Variants in DPP10 observed in about 807,000 individuals in gnomAD.
The protein encoded by DPP10 is dipeptidyl peptidase like 10.
DPP10 carries 33 observed loss-of-function variants against 120.9 expected under a neutral mutation model. That is an observed-to-expected ratio of 0.27 (90% CI 0.21 to 0.37). The LOEUF is 0.37. Ranked by LOEUF, DPP10 falls within the 10% of genes least tolerant of loss-of-function variation. The pLI is 1.00. For synonymous variants in DPP10, 337 were observed against 326.1 expected (o/e 1.03, Z -0.36); for missense variants, 816 against 942.8 (o/e 0.87, Z 1.76).
At chr2:114,814,265 A>G (rs1203303351) in intron 1 of DPP10, among the ~76,000 whole-genome samples, 1 of 152,158 alleles carries the variant, frequency 6.6e-6, no homozygotes, top group South Asian at 2.1e-4. Flanking sequence ...GCTAGTTAAT[A>G]TAGTATTCTC....
At chr2:114,995,341 CT>C in intron 1 of DPP10, among the ~76,000 whole-genome samples, 1 of 152,288 alleles carries the variant, frequency 6.6e-6, no homozygotes, top group Admixed American at 6.5e-5. Flanking sequence ...GATTAAGTCT[CT>C]TTCCCCCATT....
chr2:115,685,078 C>G (rs1296728770), intron 5 of DPP10, among the ~76,000 whole-genome samples: 1 of 151,864 alleles, frequency 6.6e-6, no homozygotes, highest in Non-Finnish European at 1.5e-5. Flanking sequence ...CTTAAACTTT[C>G]AGTTTTAAAA....
chr2:115,554,556 G>A (rs541440504), intron 5 of DPP10, among the ~76,000 whole-genome samples: 3 of 152,086 alleles, frequency 2.0e-5, no homozygotes, highest in South Asian at 4.2e-4. Context: ...CCCAGTCTAT[G>A]CTGTGTTCAC....
At chr2:115,818,875 C>A (rs544284295) in intron 21 of DPP10, among the ~76,000 whole-genome samples, 1 of 151,822 alleles carries the variant, frequency 6.6e-6, no homozygotes, top group Non-Finnish European at 1.5e-5. Flanking sequence ...ACATAGGATA[C>A]AAACAAGTAA....
chr2:115,759,555 G>A (rs369939516), intron 11 of DPP10, among the ~76,000 whole-genome samples: 8 of 152,020 alleles, frequency 5.3e-5, no homozygotes, highest in East Asian at 1.9e-4. Flanking sequence ...AAAAATTCTC[G>A]TTCTTTGCAA....
intron 21 of DPP10, among the ~76,000 whole-genome samples, chr2:115,834,824 C>T (rs940531711): frequency 5.9e-5 from 9 of 152,068 alleles, no homozygotes; most frequent in Non-Finnish European, 1.2e-4. Context: ...CGGTGGCTCA[C>T]GCCTGTAATC....
At chr2:114,509,207 ACT>A (rs757250568) in intron 1 of DPP10, among the ~76,000 whole-genome samples, 13 of 152,008 alleles carry the variant, frequency 8.6e-5, no homozygotes, top group Admixed American at 3.9e-4. Flanking sequence ...GTTCCAGGGA[ACT>A]CTCTCTTTGG....
intron 3 of DPP10, among the ~76,000 whole-genome samples, chr2:115,361,488 A>T (rs774855222): frequency 6.6e-6 from 1 of 152,020 alleles, no homozygotes; most frequent in Admixed American, 6.6e-5. Context: ...CAGACCAGAC[A>T]TGCCCCTTTC....
At chr2:115,210,817 C>G (rs905361409) in intron 1 of DPP10, among the ~76,000 whole-genome samples, 2 of 151,994 alleles carry the variant, frequency 1.3e-5, no homozygotes, top group African/African-American at 2.4e-5. Context: ...TAAATGTCTT[C>G]TTTTGAGAAG....
At chr2:114,880,273 G>A (rs562599323) in intron 1 of DPP10, among the ~76,000 whole-genome samples, 1 of 152,268 alleles carries the variant, frequency 6.6e-6, no homozygotes, top group African/African-American at 2.4e-5. Flanking sequence ...TTTGGCCCAA[G>A]ACAAAGAATA....
intron 1 of DPP10, among the ~76,000 whole-genome samples, chr2:114,866,651 C>T (rs754106530): frequency 3.3e-5 from 5 of 152,146 alleles, no homozygotes; most frequent in Non-Finnish European, 7.3e-5. Flanking sequence ...CAAGGTCACA[C>T]AACTAATAAG....
intron 1 of DPP10, among the ~76,000 whole-genome samples, chr2:115,084,138 T>G (rs1417944874): frequency 2.0e-5 from 3 of 152,192 alleles, no homozygotes; most frequent in Non-Finnish European, 4.4e-5. Flanking sequence ...GCTCACAATT[T>G]TGAGGTTTTC....
At chr2:114,834,399 AT>A (rs1687448210) in intron 1 of DPP10, among the ~76,000 whole-genome samples, 26 of 151,352 alleles carry the variant, frequency 1.7e-4, no homozygotes, top group African/African-American at 5.8e-4. Context: ...CTATGTATAT[AT>A]AAGCCATATC....
rs116633655 is a variant in DPP10, at chr2:114,605,593, G to A, written c.60+162755G>A. ...CTTTCCAGTCAGGGATAGGCTACTC[G>A]TAGTTAAGTTTTTGGGGAGTCAAAA... On this transcript the variant is annotated intron_variant, in intron 1 of 25. Coordinates refer to ENST00000410059, the MANE Select transcript of DPP10 (RefSeq NM_020868.6). 5.1e-3 allele frequency among the ~76,000 whole-genome samples: 776 copies of A among 152,184 alleles called. 8 individuals are homozygous for A. The highest frequency in any genetic ancestry group is 0.017 in the African/African-American group (720 of 41,530).
At chr2:114,684,602 G>C (rs989705866) in intron 1 of DPP10, among the ~76,000 whole-genome samples, 1 of 151,928 alleles carries the variant, frequency 6.6e-6, no homozygotes, top group Admixed American at 6.6e-5. Flanking sequence ...AACCAGCCAG[G>C]CTTTGGTCTT....
chr2:115,753,062 C>T (rs568476257), intron 10 of DPP10, 112 bp from the exon 11 acceptor site: 1 of 916,656 alleles, frequency 1.1e-6, no homozygotes, highest in East Asian at 2.9e-5. Context: ...TATGTAGCAA[C>T]ATCCTTATAG....
At chr2:114,940,980 T>C (rs1028981469) in intron 1 of DPP10, among the ~76,000 whole-genome samples, 9 of 152,328 alleles carry the variant, frequency 5.9e-5, no homozygotes, top group South Asian at 2.1e-4. Context: ...AATGGGACTA[T>C]TGTCAGCTTA....
At chr2:114,613,695 A>G (rs1365919066) in intron 1 of DPP10, among the ~76,000 whole-genome samples, 8 of 152,224 alleles carry the variant, frequency 5.3e-5, no homozygotes. Context: ...ACTATTTACA[A>G]TAGCAAAGAC....
chr2:115,467,058 A>C (rs964151645), intron 3 of DPP10, among the ~76,000 whole-genome samples: 1 of 152,170 alleles, frequency 6.6e-6, no homozygotes, highest in Non-Finnish European at 1.5e-5. Flanking sequence ...ACTCTCTTTT[A>C]CCTTGTTATA....
Sources: gnomAD v4.1 joint callset for allele counts (sites outside exome capture counted in the v4.1 genomes callset) on GRCh38, gnomAD v4.1.1 for gene constraint, MANE v1.5 for transcripts, NCBI Gene and HGNC (gene_info 2026-07-23, HGNC 2026-07-21) for gene names.